Variants in CA1 observed in about 807,000 individuals in gnomAD.
CA1 encodes the protein carbonate dehydratase I.
Under a neutral mutation model 28.8 loss-of-function variants are expected in CA1, and 27 were observed. The ratio of observed to expected loss-of-function variants is 0.94; its 90% confidence interval spans 0.69 to 1.29. The LOEUF (loss-of-function observed/expected upper bound fraction) is 1.29. Among genes scored for constraint, CA1 ranks in the 50% most tolerant of loss-of-function variants. The pLI, the probability that CA1 is intolerant of heterozygous loss-of-function variation, is 0.00. For missense variants in CA1, 335 were observed against 310.5 expected (o/e 1.08, Z -0.59); for synonymous variants, 121 against 108.8 (o/e 1.11, Z -0.70).
chr8:85,346,675 T>C (rs1026320218), intron 1 of CA1, among the ~76,000 whole-genome samples: 1 of 152,138 alleles, frequency 6.6e-6, no homozygotes, highest in African/African-American at 2.4e-5. Flanking sequence ...GGCAGGAGAA[T>C]CGCTTGAACC....
intron 1 of CA1, among the ~76,000 whole-genome samples, chr8:85,362,106 G>T (rs550041974): frequency 4.6e-5 from 7 of 152,286 alleles, no homozygotes; most frequent in African/African-American, 1.7e-4. Context: ...TCTCTGGGAA[G>T]AATTTGTTTT....
chr8:85,349,040 A>G (rs1466935765), intron 1 of CA1, among the ~76,000 whole-genome samples: 1 of 152,182 alleles, frequency 6.6e-6, no homozygotes, highest in Admixed American at 6.5e-5. Context: ...GGGTTTTTCT[A>G]ATAAATGGGG....
At chr8:85,369,909 C>T (rs370936252) in intron 1 of CA1, among the ~76,000 whole-genome samples, 1 of 152,174 alleles carries the variant, frequency 6.6e-6, no homozygotes, top group East Asian at 1.9e-4. Flanking sequence ...TACAGTTCAA[C>T]AAGTAGCCAA....
intron 4 of CA1, among the ~76,000 whole-genome samples, chr8:85,334,601 T>C (rs1485142073): frequency 2.1e-5 from 3 of 141,560 alleles, no homozygotes; most frequent in African/African-American, 7.7e-5. Flanking sequence ...CCTCCCTCCC[T>C]CCCTTCCTTC....
At chr8:85,334,335 T>A (rs1293874376) in intron 4 of CA1, among the ~76,000 whole-genome samples, 1 of 152,180 alleles carries the variant, frequency 6.6e-6, no homozygotes, top group Non-Finnish European at 1.5e-5. Flanking sequence ...CCTATCAACA[T>A]TCACATCTTA....
chr8:85,374,115 T>C (rs1362477997), intron 1 of CA1, among the ~76,000 whole-genome samples: 1 of 152,052 alleles, frequency 6.6e-6, no homozygotes, highest in East Asian at 1.9e-4. Context: ...ACAAAATTAA[T>C]AATAAAATTA....
At position 85,327,776 on chromosome 8, in the gene CA1, G is replaced by GT. The variant is rs1808237142; in HGVS notation, c.*783dup. 1 of 152,180 alleles carries GT rather than the reference G, an allele frequency of 6.6e-6. No individual in the cohort carries two copies. The highest frequency in any genetic ancestry group is 2.1e-4 in the South Asian group (1 of 4,834). The allele number at this position is 152,180 out of a possible 1,614,324, so 9.4% of individuals were successfully genotyped here. A position where few individuals can be genotyped will look rare whatever the true frequency, so the allele number is the denominator to read the frequency against. On this transcript the variant is annotated 3_prime_UTR_variant, in exon 8 of 8. Coordinates refer to ENST00000523022, the MANE Select transcript of CA1 (RefSeq NM_001128831.4). The stretch of plus-strand genomic sequence containing the variant: ...ACATCTGACTAAAAGATTGCATGAT[G>GT]TTTCTATATGATTCTAAGCAAGAAT...
chr8:85,355,802 TA>T (rs760386852), intron 1 of CA1, among the ~76,000 whole-genome samples: 4 of 152,008 alleles, frequency 2.6e-5, no homozygotes, highest in Non-Finnish European at 4.4e-5. Flanking sequence ...AAGCTAAACT[TA>T]TTATGTGAAC....
intron 4 of CA1, among the ~76,000 whole-genome samples, 173 bp from the exon 5 acceptor site, chr8:85,333,793 A>G (rs2130147957): frequency 6.6e-6 from 1 of 152,340 alleles, no homozygotes; most frequent in African/African-American, 2.4e-5. Context: ...AGGAAGGGTT[A>G]TCTGTGTGCC....
intron 1 of CA1, among the ~76,000 whole-genome samples, chr8:85,345,556 G>A (rs990108048): frequency 1.3e-5 from 2 of 152,082 alleles, no homozygotes; most frequent in Non-Finnish European, 2.9e-5. Flanking sequence ...GAAAACAGTG[G>A]TGCTCAATAG....
intron 1 of CA1, among the ~76,000 whole-genome samples, chr8:85,356,242 T>A (rs1809602454): frequency 6.6e-6 from 1 of 152,172 alleles, no homozygotes; most frequent in African/African-American, 2.4e-5. Context: ...ATTTGCACAA[T>A]TGGAAGCAAA....
chr8:85,349,702 G>C (rs1281811944), intron 1 of CA1: 1 of 152,040 alleles, frequency 6.6e-6, no homozygotes, highest in Admixed American at 6.6e-5. Context: ...GCTCTTTCAG[G>C]GCCTACCATT....
intron 1 of CA1, among the ~76,000 whole-genome samples, chr8:85,350,726 A>G (rs1454986598): frequency 1.3e-5 from 2 of 152,178 alleles, no homozygotes; most frequent in African/African-American, 2.4e-5. Context: ...TAACGCTTTT[A>G]AAATGGAGAT....
chr8:85,343,458 G>A (rs1809008425), intron 1 of CA1, among the ~76,000 whole-genome samples: 2 of 152,128 alleles, frequency 1.3e-5, no homozygotes, highest in Non-Finnish European at 2.9e-5. Flanking sequence ...TGGATTAGGT[G>A]ATGTAGCTTG....
chr8:85,376,598 G>T (rs1377481810), intron 1 of CA1, among the ~76,000 whole-genome samples: 2 of 151,538 alleles, frequency 1.3e-5, no homozygotes, highest in Non-Finnish European at 1.5e-5. Context: ...GGAGGCAGAG[G>T]TTACAGTGAG....
chr8:85,330,261 C>T (rs1808347146), intron 6 of CA1, among the ~76,000 whole-genome samples: 1 of 151,882 alleles, frequency 6.6e-6, no homozygotes, highest in Non-Finnish European at 1.5e-5. Flanking sequence ...CAGTTTTATT[C>T]TATTTATTCC....
At chr8:85,338,627 CTTCTTTTTCT>C (rs1209079674) in intron 2 of CA1, among the ~76,000 whole-genome samples, 178 bp from the exon 3 acceptor site, 7 of 123,830 alleles carry the variant, frequency 5.7e-5, no homozygotes, top group African/African-American at 2.2e-4. Flanking sequence ...TCTTTCTTTC[CTTCTTTTTCT>C]TTCTTTCTTT....
At chr8:85,351,168 T>C (rs1809396416) in intron 1 of CA1, among the ~76,000 whole-genome samples, 1 of 152,232 alleles carries the variant, frequency 6.6e-6, no homozygotes, top group Non-Finnish European at 1.5e-5. Flanking sequence ...CTGATGAACA[T>C]GATATTATTA....
rs531329320 is a variant in CA1 at position 85,337,038 on chromosome 8, G to C, written c.261C>G (p.Asp87Glu). 6.2e-7 allele frequency: 1 copy of C among 1,611,810 alleles called. No individual in the cohort carries two copies. The highest frequency in any genetic ancestry group is 8.5e-7 in the Non-Finnish European group (1 of 1,177,992). ...AATGGAACTGAAAGAGCCTGTAGCT[G>C]TCAGAGAAAGGACCACCTTTCAGCA... is the stretch of plus-strand genomic sequence containing the variant. ...RSVLKGGPFS[D>E]SYRLFQFHFH... Residue 87 changes from aspartate to glutamate, a missense_variant, in exon 4 of 8, where the codon GAC (aspartate) becomes GAG (glutamate). Coordinates refer to ENST00000523022, the MANE Select transcript of CA1 (RefSeq NM_001128831.4).
Sources: gnomAD v4.1 joint callset for allele counts (sites outside exome capture counted in the v4.1 genomes callset) on GRCh38, gnomAD v4.1.1 for gene constraint, MANE v1.5 for transcripts, NCBI Gene and HGNC (gene_info 2026-07-23, HGNC 2026-07-21) for gene names.